The following ABCA1 variants were observed in gnomAD, a reference collection of about 807,000 sequenced individuals.
The protein encoded by ABCA1 is ATP binding cassette subfamily A member 1, also known as phospholipid-transporting ATPase ABCA1.
ABCA1 carries 133 observed loss-of-function variants against 262.5 expected under a neutral mutation model. That is an observed-to-expected ratio of 0.51 (90% CI 0.44 to 0.59). The LOEUF (loss-of-function observed/expected upper bound fraction) is 0.59. Among genes scored for constraint, ABCA1 ranks in the 20% least tolerant of loss-of-function variants. The probability of loss-of-function intolerance (pLI) is 0.00; values close to 1 mark genes in which losing one functional copy is unlikely to be tolerated. For missense variants in ABCA1, 2,452 were observed against 2,777.5 expected (o/e 0.88, Z 2.63); for synonymous variants, 1,022 against 1,043.5 (o/e 0.98, Z 0.40).
rs1475716077 is a variant in ABCA1, at chr9:104,817,527, CT to C, written c.3463-124del. 7 of 1,059,932 alleles carry C rather than the reference CT, an allele frequency of 6.6e-6. No homozygotes were observed. The highest frequency in any genetic ancestry group is 9.9e-6 in the Non-Finnish European group (7 of 704,662). The allele number at this position is 1,059,932 out of a possible 1,614,324, so 65.7% of individuals were successfully genotyped here. ...TGAGAACTAAAGGAAAAAGCTTTCC[CT>C]GGGACACATGCACTGGCAGCCGTGG... is the stretch of plus-strand genomic sequence containing the variant. On this transcript the variant is annotated intron_variant, in intron 23 of 49. Coordinates refer to ENST00000374736, the MANE Select transcript of ABCA1 (RefSeq NM_005502.4). This position sits in a 1 kb window ranked among gnomAD's most constrained non-coding sequence, Gnocchi z 4.7.
Position 104,802,110 on chromosome 9 carries a change from T to C in ABCA1, c.4642A>G (p.Ser1548Gly). 1 of 1,614,162 alleles carries C rather than the reference T, an allele frequency of 6.2e-7. No individual in the cohort carries two copies. Among genetic ancestry groups the C allele is most frequent in the South Asian group, 1.1e-5 (1 of 91,076 alleles). The change falls in exon 34 of 50, where the codon AGT becomes GGT. Residue 1548 changes from serine (S) to glycine (G), a missense_variant. Around this residue, in one of 4 missense-constraint regions of ABCA1, gnomAD observed 752 missense variants for 944.5 expected, o/e 0.80. Transcript: ENST00000374736. The part of the protein sequence containing the change: ...GVSNTQALPP[S>G]QEVNDAIKQM... ...TTGATGGCATCATTAACTTCTTGAC[T>C]CGGAGGAAGTGCTTGAGTATTACTG...
At position 104,862,644 on chromosome 9, in the gene ABCA1, C is replaced by CGGGCAGCGCCGGGCA. The variant is rs1554729316; in HGVS notation, c.422-845_422-844insTGCCCGGCGCTGCCC. Reference sequence around the variant, plus strand: ...TAAAATGCAGACTGCCGGGCCGGGCCGGGCCGGGCCGGGCCGGGCCGGGCC... The same window carrying CGGGCAGCGCCGGGCA: ...TAAAATGCAGACTGCCGGGCCGGGCCGGGCAGCGCCGGGCAGGGCCGGGCCGGGCCGGGCCGGGCC... On this transcript the variant is annotated intron_variant, in intron 5 of 49. Coordinates refer to ENST00000374736, the MANE Select transcript of ABCA1 (RefSeq NM_005502.4). Among the ~76,000 whole-genome samples the CGGGCAGCGCCGGGCA allele has an allele frequency of 1.9e-3, 14 of 7,546 alleles. 1 individual carries two copies. The highest frequency in any genetic ancestry group is 0.01 in the South Asian group (1 of 100). The allele number at this position is 7,546 out of a possible 152,430, so 5.0% of individuals were successfully genotyped here.
intron 16 of ABCA1, 135 bp downstream of exon 16, chr9:104,826,813 T>C: frequency 1.2e-6 from 1 of 842,778 alleles, no homozygotes; most frequent in South Asian, 1.4e-5. Context: ...TTAAAGAGCT[T>C]AGAATCTAGA....
At chr9:104,870,271 T>C (rs1837483348) in intron 5 of ABCA1, among the ~76,000 whole-genome samples, 1 of 152,218 alleles carries the variant, frequency 6.6e-6, no homozygotes, top group Non-Finnish European at 1.5e-5. Context: ...TTCAAAGGGA[T>C]AATATTTTTC....
intron 7 of ABCA1, among the ~76,000 whole-genome samples, chr9:104,849,067 A>G (rs375365551): frequency 1.3e-5 from 2 of 152,222 alleles, no homozygotes; most frequent in African/African-American, 4.8e-5. Flanking sequence ...GTCTTCTCCA[A>G]CTTAATGAAT....
chr9:104,913,107 C>A (rs1841600250), intron 1 of ABCA1, among the ~76,000 whole-genome samples: 1 of 152,186 alleles, frequency 6.6e-6, no homozygotes. Context: ...GATGTTCAAC[C>A]TTCTCCCAAC....
intron 6 of ABCA1, chr9:104,861,455 T>A (rs1490343105): frequency 3.3e-6 from 2 of 614,528 alleles, no homozygotes; most frequent in Non-Finnish European, 5.7e-6. Context: ...GAAATCAATT[T>A]TATTTTAACC....
Position 104,782,182 on chromosome 9 carries a change from T to C in ABCA1, c.*2133A>G, listed in dbSNP as rs1828584989. ...TTGAAAAATATTAAATGAGGAGAAA[T>C]TATTCTATAAATTCTGTATTTTTGA... On this transcript the variant is annotated 3_prime_UTR_variant, in exon 50 of 50. Coordinates refer to ENST00000374736, the MANE Select transcript of ABCA1 (RefSeq NM_005502.4). 1 of 152,004 alleles carries C rather than the reference T, an allele frequency of 6.6e-6. No individual in the cohort carries two copies. Among genetic ancestry groups the C allele is most frequent in the South Asian group, 2.1e-4 (1 of 4,822 alleles). The allele number at this position is 152,004 out of a possible 1,614,324, so 9.4% of individuals were successfully genotyped here. A position where few individuals can be genotyped will look rare whatever the true frequency, so the allele number is the denominator to read the frequency against.
At position 104,817,524 on chromosome 9, in the gene ABCA1, T is replaced by C; in HGVS notation, c.3463-120A>G. On this transcript the variant is annotated intron_variant, in intron 23 of 49. Transcript: ENST00000374736. The surrounding 1 kb of genome is among the most constrained non-coding windows in gnomAD (Gnocchi z 4.7). ...GTGTGAGAACTAAAGGAAAAAGCTTTCCCTGGGACACATGCACTGGCAGCC... is the reference window on the plus strand; with the variant it reads ...GTGTGAGAACTAAAGGAAAAAGCTTCCCCTGGGACACATGCACTGGCAGCC... 9.2e-7 allele frequency: 1 copy of C among 1,081,380 alleles called. No homozygotes were observed. The highest frequency in any genetic ancestry group is 2.6e-5 in the East Asian group (1 of 39,004). The allele number at this position is 1,081,380 out of a possible 1,614,324, so 67.0% of individuals were successfully genotyped here.
rs11792330 is a variant in ABCA1 at position 104,912,747 on chromosome 9, G to C, written c.-92-8976C>G. Among the ~76,000 whole-genome samples the C allele has an allele frequency of 8.2e-3, 1,255 of 152,216 alleles. 8 individuals are homozygous for C. The highest frequency in any genetic ancestry group is 0.012 in the Non-Finnish European group (827 of 68,014). On this transcript the variant is annotated intron_variant, in intron 1 of 49. Transcript: ENST00000374736. Reference sequence around the variant, plus strand: ...CACTATTTGCCTTTTCCCTGGTCGGGGGGTATGTAGCACATAGAAAAAAAG... The same window carrying C: ...CACTATTTGCCTTTTCCCTGGTCGGCGGGTATGTAGCACATAGAAAAAAAG...
chr9:104,874,850 A>G (rs1175454), intron 5 of ABCA1, among the ~76,000 whole-genome samples: 8,230 of 127,252 alleles, frequency 0.065, 288 homozygotes, highest in African/African-American at 0.13. Flanking sequence ...CCGGCCAGCC[A>G]CCCCGTCCGG....
intron 5 of ABCA1, among the ~76,000 whole-genome samples, chr9:104,862,692 G>C (rs1171839389): frequency 0.085 from 100 of 1,180 alleles, 28 homozygotes; most frequent in African/African-American, 0.23. Flanking sequence ...GCCGGGCCGG[G>C]CCGGGCCGGC....
chr9:104,874,741 T>C (rs1837957630), intron 5 of ABCA1, among the ~76,000 whole-genome samples: 1 of 149,924 alleles, frequency 6.7e-6, no homozygotes, highest in Non-Finnish European at 1.5e-5. Flanking sequence ...ATACAAAAAT[T>C]AGCAGGGCAG....
chr9:104,823,142 T>G (rs1331725193), intron 18 of ABCA1, among the ~76,000 whole-genome samples: 1 of 151,708 alleles, frequency 6.6e-6, no homozygotes, highest in African/African-American at 2.4e-5. Flanking sequence ...ATAATAAAAC[T>G]GTAAAAACGA....
Position 104,800,492 on chromosome 9 carries a change from A to C in ABCA1, c.4773+18T>G, listed in dbSNP as rs1035200205. On this transcript the variant is annotated intron_variant, in intron 35 of 49. Transcript: ENST00000374736. ...TATTGTTCATCAAAAAGCTACTAGA[A>C]CAAAGACAGCGGTTTACCTTGACAT... 5 of 1,609,434 alleles carry C rather than the reference A, an allele frequency of 3.1e-6. No individual in the cohort carries two copies. Among genetic ancestry groups the C allele is most frequent in the Non-Finnish European group, 4.3e-6 (5 of 1,175,768 alleles).
chr9:104,814,519 C>A, intron 25 of ABCA1, 44 bp from the exon 26 acceptor site: 2 of 1,576,074 alleles, frequency 1.3e-6, no homozygotes, highest in Non-Finnish European at 1.7e-6. Flanking sequence ...ACCAACATTA[C>A]GAGAGTAGTC....
At chr9:104,788,814 A>G (rs1391376822) in intron 44 of ABCA1, among the ~76,000 whole-genome samples, 1 of 152,192 alleles carries the variant, frequency 6.6e-6, no homozygotes, top group Non-Finnish European at 1.5e-5. Flanking sequence ...CTGCAGGTGC[A>G]GTCCCATTTC....
intron 2 of ABCA1, among the ~76,000 whole-genome samples, chr9:104,891,155 T>G (rs965620814): frequency 2.0e-5 from 3 of 152,192 alleles, no homozygotes; most frequent in Non-Finnish European, 2.9e-5. Flanking sequence ...GTGCTTCAGA[T>G]TGTTTTGGGT....
At chr9:104,832,493 C>T (rs904546484) in intron 12 of ABCA1, 81 bp downstream of exon 12, 7 of 1,472,530 alleles carry the variant, frequency 4.8e-6, no homozygotes, top group African/African-American at 1.4e-5. Flanking sequence ...TCTAAACTTG[C>T]CTCCTGCCTG....
Sources: allele counts gnomAD v4.1 joint callset (sites outside exome capture counted in the v4.1 genomes callset), GRCh38; gene constraint gnomAD v4.1.1; regional missense constraint gnomAD v4.1.1; non-coding constraint Gnocchi (gnomAD v3.1); transcripts MANE v1.5; gene names NCBI Gene and HGNC (gene_info 2026-07-23, HGNC 2026-07-21).